EPHB1: variants seen among roughly 807,000 people sequenced by gnomAD.
EPHB1 encodes EPH receptor B1, also known as ephrin type-B receptor 1.
In EPHB1, 30 loss-of-function variants were observed where a neutral mutation model predicts 94.4. The observed-to-expected ratio is 0.32, with a 90% CI of 0.24 to 0.43. The LOEUF (loss-of-function observed/expected upper bound fraction) is 0.43. Ranked by LOEUF, EPHB1 falls within the 20% of genes least tolerant of loss-of-function variation. The pLI, the probability that EPHB1 is intolerant of heterozygous loss-of-function variation, is 1.00. For synonymous variants in EPHB1, 522 were observed against 489.1 expected (o/e 1.07, Z -0.89); for missense variants, 1,055 against 1,308.3 (o/e 0.81, Z 2.99).
chr3:134,804,712 A>G (rs2036003510), intron 1 of EPHB1, among the ~76,000 whole-genome samples: 1 of 152,288 alleles, frequency 6.6e-6, no homozygotes, highest in African/African-American at 2.4e-5. Context: ...GCCTGGGGCC[A>G]TGTTGTTTCT....
intron 12 of EPHB1, among the ~76,000 whole-genome samples, chr3:135,220,594 C>CT (rs78078993): frequency 0.23 from 31,261 of 133,914 alleles, 3,961 homozygotes; most frequent in Non-Finnish European, 0.3. Flanking sequence ...TGTTGGAGGC[C>CT]TTTTTTTTTT....
At chr3:134,955,773 C>A (rs971091930) in intron 3 of EPHB1, among the ~76,000 whole-genome samples, 1 of 152,180 alleles carries the variant, frequency 6.6e-6, no homozygotes, top group Non-Finnish European at 1.5e-5. Flanking sequence ...GGCCTGCTGA[C>A]CTCATCTCAC....
At chr3:134,932,967 A>G (rs1294000045) in intron 2 of EPHB1, among the ~76,000 whole-genome samples, 1 of 152,154 alleles carries the variant, frequency 6.6e-6, no homozygotes, top group Non-Finnish European at 1.5e-5. Flanking sequence ...CTGATCGCGG[A>G]TTGCTGGAAG....
chr3:134,911,754 C>G (rs2038460421), intron 1 of EPHB1, among the ~76,000 whole-genome samples: 1 of 152,118 alleles, frequency 6.6e-6, no homozygotes, highest in Non-Finnish European at 1.5e-5. Context: ...GCCTTTGGAG[C>G]CTCAGCAGCA....
chr3:135,084,845 A>G (rs1224327452), intron 3 of EPHB1, among the ~76,000 whole-genome samples: 1 of 152,234 alleles, frequency 6.6e-6, no homozygotes, highest in African/African-American at 2.4e-5. Context: ...ATAGGCCCAG[A>G]TAAGCAGACG....
At position 135,249,339 on chromosome 3, in the gene EPHB1, T is replaced by C. The variant is rs1932966235; in HGVS notation, c.2694T>C (p.Pro898=). Residue 898 remains proline, a synonymous_variant, in exon 15 of 16, where the codon CCT becomes CCC. Coordinates refer to ENST00000398015, the MANE Select transcript of EPHB1 (RefSeq NM_004441.5). The part of the protein sequence containing the change: ...LKTVATITAV[P]SQPLLDRSIP... The stretch of plus-strand genomic sequence containing the variant: ...CTGCCCATCTCTGTCTCACCAGGCC[T>C]TCCCAGCCCCTGCTCGACCGCTCCA... 8 of 1,611,262 alleles carry C rather than the reference T, an allele frequency of 5.0e-6. No homozygotes were observed. Among genetic ancestry groups the C allele is most frequent in the South Asian group, 2.2e-5 (2 of 90,644 alleles).
intron 1 of EPHB1, among the ~76,000 whole-genome samples, chr3:134,882,958 C>T (rs1052238865): frequency 4.0e-5 from 6 of 151,872 alleles, no homozygotes; most frequent in African/African-American, 1.5e-4. Context: ...GAATAGCTGG[C>T]ACTACAGGTG....
In EPHB1 at chr3:135,021,475, T is replaced by A. The variant is rs569815959; in HGVS notation, c.805+69423T>A. On this transcript the variant is annotated intron_variant, in intron 3 of 15. Coordinates refer to ENST00000398015, the MANE Select transcript of EPHB1 (RefSeq NM_004441.5). ...ATTGTGAGTGGATTTCTAAAACTGG[T>A]TATTTCTGGTATTAAAGAAATCTCT... Among the ~76,000 whole-genome samples the A allele has an allele frequency of 2.0e-5, 3 of 152,280 alleles. No individual in the cohort carries two copies. In the East Asian group the frequency reaches 5.8e-4, roughly 29 times the overall value.
At chr3:134,829,440 C>G (rs561835155) in intron 1 of EPHB1, among the ~76,000 whole-genome samples, 153 of 152,266 alleles carry the variant, frequency 1.0e-3, no homozygotes, top group Non-Finnish European at 1.8e-3. Context: ...TGCTGGTGGG[C>G]TTTTAGAACC....
intron 3 of EPHB1, among the ~76,000 whole-genome samples, chr3:134,984,555 G>T (rs142099005): frequency 5.6e-4 from 85 of 152,140 alleles, no homozygotes; most frequent in African/African-American, 2.0e-3. Flanking sequence ...ACTCTTCTAG[G>T]CCCTAGAGAG....
At chr3:135,199,913 C>T (rs1942712848) in intron 11 of EPHB1, among the ~76,000 whole-genome samples, 2 of 152,202 alleles carry the variant, frequency 1.3e-5, no homozygotes, top group Admixed American at 1.3e-4. Context: ...TGTAACATCT[C>T]GCATACAGTA....
intron 1 of EPHB1, among the ~76,000 whole-genome samples, chr3:134,904,307 A>G (rs777296265): frequency 2.0e-5 from 3 of 152,260 alleles, no homozygotes; most frequent in African/African-American, 4.8e-5. Flanking sequence ...GAATGAGTAC[A>G]GTGAAACCAG....
chr3:135,252,376 C>A (rs1271158825), intron 15 of EPHB1, among the ~76,000 whole-genome samples: 2 of 118,188 alleles, frequency 1.7e-5, no homozygotes, highest in Non-Finnish European at 3.4e-5. Context: ...TCCCCCCACC[C>A]CACCACAGTC....
intron 3 of EPHB1, among the ~76,000 whole-genome samples, chr3:135,057,722 G>A (rs1937387054): frequency 2.0e-5 from 3 of 152,276 alleles, no homozygotes; most frequent in Admixed American, 6.5e-5. Flanking sequence ...ATAGGTATGT[G>A]TATACATACA....
At chr3:135,256,522 T>C (rs1272246111) in intron 15 of EPHB1, among the ~76,000 whole-genome samples, 3 of 152,300 alleles carry the variant, frequency 2.0e-5, no homozygotes, top group South Asian at 4.1e-4. Context: ...AAAATTCTTT[T>C]CTTTAAGAAT....
intron 3 of EPHB1, among the ~76,000 whole-genome samples, chr3:135,012,194 T>A (rs999520279): frequency 2.6e-5 from 4 of 152,220 alleles, no homozygotes; most frequent in African/African-American, 7.2e-5. Flanking sequence ...ATCAGGACTG[T>A]CACTGCTCCA....
intron 3 of EPHB1, among the ~76,000 whole-genome samples, chr3:135,002,316 A>G (rs1935213743): frequency 6.6e-6 from 1 of 152,234 alleles, no homozygotes; most frequent in South Asian, 2.1e-4. Context: ...ATCATGGTGC[A>G]TAAGCTTTTT....
At position 134,951,472 on chromosome 3, in the gene EPHB1, C is replaced by T. The variant is rs1212424608; in HGVS notation, c.225C>T (p.Thr75=). 6.2e-7 allele frequency: 1 copy of T among 1,613,220 alleles called. No homozygotes were observed. Among genetic ancestry groups the T allele is most frequent in the African/African-American group, 1.3e-5 (1 of 74,856 alleles). ...ACCAGAACAATTGGCTGCTCACCAC[C>T]TTCATCAACCGGCGGGGGGCCCATC... ...EPNQNNWLLT[T]FINRRGAHRI... Residue 75 remains threonine, a synonymous_variant, in exon 3 of 16, where the codon ACC becomes ACT. Coordinates refer to ENST00000398015, the MANE Select transcript of EPHB1 (RefSeq NM_004441.5). The surrounding 1 kb of genome is among the most constrained non-coding windows in gnomAD (Gnocchi z 4.5).
At chr3:135,191,596 T>C (rs1942457403) in intron 10 of EPHB1, among the ~76,000 whole-genome samples, 1 of 152,022 alleles carries the variant, frequency 6.6e-6, no homozygotes, top group South Asian at 2.1e-4. Flanking sequence ...AATTAAATTA[T>C]AAAATAACTT....
Sources: gnomAD v4.1 joint callset for allele counts (sites outside exome capture counted in the v4.1 genomes callset) on GRCh38, gnomAD v4.1.1 for gene constraint, Gnocchi (gnomAD v3.1) non-coding constraint, MANE v1.5 for transcripts, NCBI Gene and HGNC (gene_info 2026-07-23, HGNC 2026-07-21) for gene names.